Variants in CD200R1L observed in about 807,000 individuals in gnomAD.
CD200R1L encodes cell surface glycoprotein CD200 receptor 2.
In CD200R1L, 14 loss-of-function variants were observed where a neutral mutation model predicts 24.8. The observed-to-expected ratio is 0.56, with a 90% confidence interval of 0.37 to 0.88. CD200R1L has a LOEUF of 0.88. Ranked by LOEUF, CD200R1L falls within the 40% of genes least tolerant of loss-of-function variation. The probability of loss-of-function intolerance (pLI) is 0.00; values close to 1 mark genes in which losing one functional copy is unlikely to be tolerated. For missense variants in CD200R1L, 299 were observed against 297.8 expected, an observed-to-expected ratio of 1.00 and a Z score of -0.03; for synonymous variants, 111 against 109.2, an observed-to-expected ratio of 1.02 and a Z score of -0.11.
chr3:112,840,910 A>T (rs995092143), intron 2 of CD200R1L, among the ~76,000 whole-genome samples: 4 of 152,162 alleles, frequency 2.6e-5, no homozygotes, highest in African/African-American at 7.2e-5. Context: ...TGTCATTATT[A>T]TTTAAAAGTA....
chr3:112,841,506 A>C (rs1939079305), intron 2 of CD200R1L, among the ~76,000 whole-genome samples: 1 of 152,226 alleles, frequency 6.6e-6, no homozygotes, highest in African/African-American at 2.4e-5. Context: ...AAGATTTCTC[A>C]TGTGGGGCAG....
intron 4 of CD200R1L, 83 bp from the exon 5 acceptor site, chr3:112,827,767 T>G (rs564860777): frequency 7.7e-7 from 1 of 1,300,992 alleles, no homozygotes; most frequent in Admixed American, 2.3e-5. Flanking sequence ...GTATATTACA[T>G]GAAGTTTTAT....
chr3:112,826,185 T>G (rs1223968624), intron 6 of CD200R1L, among the ~76,000 whole-genome samples: 1 of 152,094 alleles, frequency 6.6e-6, no homozygotes, highest in Non-Finnish European at 1.5e-5. Context: ...TCACAATAGC[T>G]AATTTTTATT....
chr3:112,825,903 C>A (rs13094280), intron 6 of CD200R1L, among the ~76,000 whole-genome samples: 1 of 151,880 alleles, frequency 6.6e-6, no homozygotes, highest in Admixed American at 6.5e-5. Context: ...ATAGATAAGA[C>A]GTATGAAGTA....
intron 3 of CD200R1L, among the ~76,000 whole-genome samples, chr3:112,832,931 C>T (rs987415489): frequency 6.6e-6 from 1 of 152,200 alleles, no homozygotes; most frequent in Non-Finnish European, 1.5e-5. Context: ...ATATTGATGA[C>T]ATCATATCAA....
intron 6 of CD200R1L, among the ~76,000 whole-genome samples, chr3:112,825,277 A>C (rs1262061640): frequency 6.6e-6 from 1 of 151,090 alleles, no homozygotes; most frequent in Non-Finnish European, 1.5e-5. Flanking sequence ...AAGAAATTGC[A>C]TGTAAAAGGG....
intron 6 of CD200R1L, among the ~76,000 whole-genome samples, chr3:112,820,701 G>A (rs1473976246): frequency 6.6e-6 from 1 of 151,868 alleles, no homozygotes; most frequent in Non-Finnish European, 1.5e-5. Flanking sequence ...AAAGTGCTGG[G>A]ATTACCGGCA....
Position 112,818,954 on chromosome 3 carries a change from C to T in CD200R1L, c.740+818G>A, listed in dbSNP as rs544262799. ...CCAGAGACTGAGACCGGGTAATTTA[C>T]GAAGAAAAGACTTTTAACTGACTCA... On this transcript the variant is annotated intron_variant, in intron 7 of 7. Transcript: ENST00000488794. Among the ~76,000 whole-genome samples, 15 of 152,206 alleles carry T rather than the reference C, an allele frequency of 9.9e-5. 1 individual carries two copies. The highest frequency in any genetic ancestry group is 5.8e-4 in the East Asian group (3 of 5,174).
rs1190362092 is a variant in CD200R1L, at chr3:112,815,860, A to T, written c.*103T>A. 6 of 747,134 alleles carry T rather than the reference A, an allele frequency of 8.0e-6. No individual in the cohort carries two copies. The East Asian group carries it at 1.5e-4, about 18-fold the overall frequency. The allele number at this position is 747,134 out of a possible 1,614,324, so 46.3% of individuals were successfully genotyped here. On this transcript the variant is annotated 3_prime_UTR_variant, in exon 8 of 8. Coordinates refer to ENST00000488794, the MANE Select transcript of CD200R1L (RefSeq NM_001199215.3). ...TCCTACTGAGTGGCTTCTATCCTTA[A>T]CATCATCCATGGCCCAAGTTCACTG...
chr3:112,830,163 A>T (rs1938762659), intron 3 of CD200R1L, among the ~76,000 whole-genome samples: 1 of 152,242 alleles, frequency 6.6e-6, no homozygotes, highest in Non-Finnish European at 1.5e-5. Flanking sequence ...TGAAATTTAG[A>T]GAGACATTTG....
At chr3:112,831,463 T>C (rs2107343434) in intron 3 of CD200R1L, among the ~76,000 whole-genome samples, 1 of 152,318 alleles carries the variant, frequency 6.6e-6, no homozygotes, top group Middle Eastern at 3.4e-3. Flanking sequence ...GTGCCTCTTA[T>C]AGGTTGAATT....
intron 3 of CD200R1L, among the ~76,000 whole-genome samples, chr3:112,830,103 G>A (rs1038505274): frequency 6.6e-6 from 1 of 152,148 alleles, no homozygotes; most frequent in African/African-American, 2.4e-5. Context: ...CACTTCGGGG[G>A]AACTGCAGAA....
At chr3:112,838,934 G>T (rs973315294) in intron 2 of CD200R1L, among the ~76,000 whole-genome samples, 1 of 152,130 alleles carries the variant, frequency 6.6e-6, no homozygotes, top group African/African-American at 2.4e-5. Flanking sequence ...TCTCTTTAAG[G>T]CTGCAGCATT....
rs191314755 is a variant in CD200R1L, at chr3:112,819,871, G to A, written c.641C>T (p.Ala214Val). The change falls in exon 7 of 8, where the codon GCG becomes GTG. Residue 214 changes from alanine to valine, a missense_variant. Transcript: ENST00000488794. ...NSGLRTSGSP[A>V]LSLLIILYVK... ...ATAAAGAATGATCAGTAAGGACAAC[G>A]CTGGAGATCCTGAGGTTCTGAGACC... 17 of 1,606,302 alleles carry A rather than the reference G, an allele frequency of 1.1e-5. No homozygotes were observed. The highest frequency in any genetic ancestry group is 5.2e-5 in the Admixed American group (3 of 58,212).
intron 2 of CD200R1L, among the ~76,000 whole-genome samples, chr3:112,839,647 G>A (rs1939034787): frequency 6.6e-6 from 1 of 152,200 alleles, no homozygotes; most frequent in Non-Finnish European, 1.5e-5. Flanking sequence ...TAACCTGTCA[G>A]AGTATCCTCT....
intron 4 of CD200R1L, among the ~76,000 whole-genome samples, chr3:112,827,900 T>C (rs1012645849): frequency 2.0e-5 from 3 of 152,204 alleles, no homozygotes; most frequent in Admixed American, 2.0e-4. Flanking sequence ...TCCAGTATTA[T>C]GTATTATTAG....
At chr3:112,816,547 G>A (rs777507503) in intron 7 of CD200R1L, among the ~76,000 whole-genome samples, 1 of 152,148 alleles carries the variant, frequency 6.6e-6, no homozygotes, top group Non-Finnish European at 1.5e-5. Flanking sequence ...ATGGATAGAC[G>A]GAGAGGTGAA....
chr3:112,835,012 TCTTCTCTC>T (rs1307842397), intron 3 of CD200R1L, among the ~76,000 whole-genome samples: 1 of 152,196 alleles, frequency 6.6e-6, no homozygotes. Context: ...GAGCCACAGC[TCTTCTCTC>T]CTTCTCTCTT....
intron 3 of CD200R1L, among the ~76,000 whole-genome samples, chr3:112,834,596 C>T (rs1169449808): frequency 2.0e-5 from 3 of 152,328 alleles, no homozygotes; most frequent in Admixed American, 2.0e-4. Flanking sequence ...TGTCACTTTG[C>T]CAGCTGGAAA....
Sources: gnomAD v4.1 joint callset for allele counts (sites outside exome capture counted in the v4.1 genomes callset) on GRCh38, gnomAD v4.1.1 for gene constraint, MANE v1.5 for transcripts, NCBI Gene and HGNC (gene_info 2026-07-23, HGNC 2026-07-21) for gene names.